TMEM117: variants seen among roughly 807,000 people sequenced by gnomAD.
TMEM117 encodes the protein transmembrane protein 117.
In TMEM117, 27 loss-of-function variants were observed where a neutral mutation model predicts 52.4. That is an observed-to-expected ratio of 0.51 (90% CI 0.38 to 0.71). TMEM117 has a LOEUF of 0.71. Among genes scored for constraint, TMEM117 ranks in the 30% least tolerant of loss-of-function variants. The pLI is 0.00. For missense variants in TMEM117, 556 were observed against 630.5 expected (o/e 0.88, Z 1.26); for synonymous variants, 215 against 206.3 (o/e 1.04, Z -0.36).
chr12:43,887,728 A>G (rs1944022667), intron 2 of TMEM117, among the ~76,000 whole-genome samples: 1 of 152,208 alleles, frequency 6.6e-6, no homozygotes, highest in African/African-American at 2.4e-5. Flanking sequence ...CAGAAGTTGT[A>G]CTTATTTAGG....
intron 3 of TMEM117, among the ~76,000 whole-genome samples, chr12:44,042,799 CACACACACA>C (rs1565804554): frequency 2.8e-5 from 4 of 145,300 alleles, no homozygotes; most frequent in African/African-American, 5.7e-5. Context: ...CACACACACA[CACACACACA>C]CTTATTAGTT....
In TMEM117 at chr12:44,250,246, A is replaced by C. The variant is rs1012437228; in HGVS notation, c.608+38859A>C. 5.3e-5 allele frequency among the ~76,000 whole-genome samples: 8 copies of C among 152,372 alleles called. No individual in the cohort carries two copies. The South Asian group carries it at 1.7e-3, about 32-fold the overall frequency. ...AACAAACATATGAAAAAAGCTCAGCATCACTAATCATTAGAGAAATGCGAA... is the reference window on the plus strand; with the variant it reads ...AACAAACATATGAAAAAAGCTCAGCCTCACTAATCATTAGAGAAATGCGAA... On this transcript the variant is annotated intron_variant, in intron 5 of 7. Transcript: ENST00000266534.
intron 2 of TMEM117, among the ~76,000 whole-genome samples, chr12:43,879,660 C>T (rs1565731984): frequency 2.0e-5 from 3 of 152,232 alleles, no homozygotes. Flanking sequence ...AGAGCCCCAA[C>T]TCCTTTCTAC....
chr12:44,301,999 T>A (rs144167670), intron 6 of TMEM117, among the ~76,000 whole-genome samples: 1 of 152,308 alleles, frequency 6.6e-6, no homozygotes, highest in East Asian at 1.9e-4. Flanking sequence ...GTCTCTTAAC[T>A]TCTTCTTTTC....
chr12:44,087,475 T>C (rs116450146), intron 3 of TMEM117, among the ~76,000 whole-genome samples: 1,740 of 151,958 alleles, frequency 0.011, 19 homozygotes, highest in South Asian at 0.051. Flanking sequence ...TATGTATGTA[T>C]ATTGAGACAG....
At chr12:44,038,935 T>C (rs1198968253) in intron 3 of TMEM117, among the ~76,000 whole-genome samples, 1 of 152,250 alleles carries the variant, frequency 6.6e-6, no homozygotes, top group Non-Finnish European at 1.5e-5. Context: ...CATCAATTCA[T>C]GGTTACTCTT....
intron 3 of TMEM117, among the ~76,000 whole-genome samples, chr12:44,116,274 C>T: frequency 6.6e-6 from 1 of 152,162 alleles, no homozygotes; most frequent in Non-Finnish European, 1.5e-5. Context: ...CTGAAGCTGC[C>T]TTCTCTTTAA....
At chr12:44,264,187 C>T in intron 5 of TMEM117, among the ~76,000 whole-genome samples, 1 of 152,218 alleles carries the variant, frequency 6.6e-6, no homozygotes. Context: ...GTTTTTCTGT[C>T]TATTTGATCA....
At chr12:43,893,440 A>T (rs555976012) in intron 2 of TMEM117, among the ~76,000 whole-genome samples, 3 of 152,306 alleles carry the variant, frequency 2.0e-5, no homozygotes, top group African/African-American at 7.2e-5. Flanking sequence ...CCTTCAAGGC[A>T]TTTTTTGAAA....
intron 3 of TMEM117, among the ~76,000 whole-genome samples, chr12:44,032,596 T>C (rs1316859438): frequency 1.3e-5 from 2 of 152,256 alleles, no homozygotes; most frequent in African/African-American, 4.8e-5. Flanking sequence ...ATTTTACTTA[T>C]TTCACTTTAC....
At chr12:43,808,437 T>G in the TMEM117 span, among the ~76,000 whole-genome samples, 13 of 152,150 alleles carry the variant, frequency 8.5e-5, no homozygotes, top group South Asian at 2.7e-3. Context: ...TGCCCATGAG[T>G]GAAAGGCAAT....
intron 2 of TMEM117, among the ~76,000 whole-genome samples, chr12:43,881,270 G>A (rs1943891130): frequency 6.6e-6 from 1 of 152,116 alleles, no homozygotes; most frequent in South Asian, 2.1e-4. Context: ...GAGATGAAGG[G>A]AAATTAGACC....
chr12:44,329,660 C>T (rs977395299), intron 6 of TMEM117, among the ~76,000 whole-genome samples: 1 of 152,062 alleles, frequency 6.6e-6, no homozygotes, highest in Non-Finnish European at 1.5e-5. Context: ...AACAGTAACT[C>T]CCCATTCCTT....
At chr12:44,229,240 T>C (rs960721504) in intron 5 of TMEM117, among the ~76,000 whole-genome samples, 1 of 152,090 alleles carries the variant, frequency 6.6e-6, no homozygotes, top group Non-Finnish European at 1.5e-5. Context: ...CAAGTTATGA[T>C]GCCAAATTAG....
intron 3 of TMEM117, among the ~76,000 whole-genome samples, chr12:44,092,355 T>A (rs1218489686): frequency 6.6e-6 from 1 of 152,152 alleles, no homozygotes; most frequent in Non-Finnish European, 1.5e-5. Flanking sequence ...AGCAAAGCAG[T>A]GTTTGGCTGA....
intron 6 of TMEM117, among the ~76,000 whole-genome samples, chr12:44,324,943 T>C (rs1279664128): frequency 6.6e-6 from 1 of 152,182 alleles, no homozygotes; most frequent in Non-Finnish European, 1.5e-5. Flanking sequence ...GAATTGTTGG[T>C]TGAACATTAT....
intron 2 of TMEM117, among the ~76,000 whole-genome samples, chr12:43,938,086 A>G (rs946193754): frequency 6.6e-6 from 1 of 151,898 alleles, no homozygotes; most frequent in Non-Finnish European, 1.5e-5. Context: ...TTATTAGGCA[A>G]TGTGCAGGAA....
the TMEM117 span, among the ~76,000 whole-genome samples, chr12:43,796,285 G>C: frequency 2.1e-4 from 32 of 152,106 alleles, no homozygotes; most frequent in African/African-American, 7.7e-4. Flanking sequence ...TGCTATAGAA[G>C]GTGCTACCCA....
chr12:44,077,971 G>GA (rs2138002729), intron 3 of TMEM117, among the ~76,000 whole-genome samples: 1 of 151,994 alleles, frequency 6.6e-6, no homozygotes, highest in African/African-American at 2.4e-5. Context: ...AAAGAAGGAG[G>GA]AAAAATACCA....
Sources: allele counts gnomAD v4.1 joint callset (sites outside exome capture counted in the v4.1 genomes callset), GRCh38; gene constraint gnomAD v4.1.1; transcripts MANE v1.5; gene names NCBI Gene and HGNC (gene_info 2026-07-23, HGNC 2026-07-21).